IQANK1: variants seen among roughly 807,000 people sequenced by gnomAD.
IQANK1 encodes the protein IQ motif and ankyrin repeat domain-containing protein 1.
Under a neutral mutation model 22.6 loss-of-function variants are expected in IQANK1, and 30 were observed. The ratio of observed to expected loss-of-function variants is 1.33; its 90% confidence interval spans 0.99 to 1.80. IQANK1 has a LOEUF of 1.80. Among genes scored for constraint, IQANK1 ranks in the 40% most tolerant of loss-of-function variants. The probability of loss-of-function intolerance (pLI) is 0.00; values close to 1 mark genes in which losing one functional copy is unlikely to be tolerated. For missense variants in IQANK1, 275 were observed against 235.2 expected, an observed-to-expected ratio of 1.17 and a Z score of -1.11; for synonymous variants, 122 against 99.6, an observed-to-expected ratio of 1.23 and a Z score of -1.34.
intron 9 of IQANK1, 78 bp downstream of exon 9, chr8:143,789,321 C>A: frequency 2.1e-6 from 1 of 473,160 alleles, no homozygotes; most frequent in Non-Finnish European, 3.4e-6. Context: ...GAGGGAGGGC[C>A]AGGAAGCTGG....
chr8:143,782,885 T>C (rs764987143), intron 7 of IQANK1, among the ~76,000 whole-genome samples: 4 of 152,222 alleles, frequency 2.6e-5, no homozygotes, highest in Admixed American at 1.3e-4. Context: ...CTAAATAATA[T>C]AGCTTTGTTT....
intron 3 of IQANK1, chr8:143,743,846 CT>C (rs782019893): frequency 6.3e-3 from 2,298 of 367,462 alleles, no homozygotes; most frequent in East Asian, 9.2e-3. Flanking sequence ...GATTCTTTTT[CT>C]TTTTTTTTTG....
chr8:143,740,400 A>G (rs1248205068), intron 3 of IQANK1, among the ~76,000 whole-genome samples: 1 of 151,986 alleles, frequency 6.6e-6, no homozygotes, highest in African/African-American at 2.4e-5. Context: ...GCTGTTCCCG[A>G]CCGGTGTCGG....
chr8:143,785,772 G>T (rs1277242309), intron 7 of IQANK1, among the ~76,000 whole-genome samples: 1 of 150,896 alleles, frequency 6.6e-6, no homozygotes, highest in Non-Finnish European at 1.5e-5. Context: ...TGTCACCCAG[G>T]CTGGAATGCA....
intron 7 of IQANK1, among the ~76,000 whole-genome samples, chr8:143,788,382 G>C (rs1554631692): frequency 6.6e-6 from 1 of 152,232 alleles, no homozygotes; most frequent in African/African-American, 2.4e-5. Context: ...GCTGGGCTTT[G>C]AGCCCGGCTC....
At chr8:143,773,320 A>AAC (rs1563777431) in intron 7 of IQANK1, among the ~76,000 whole-genome samples, 26 of 142,164 alleles carry the variant, frequency 1.8e-4, no homozygotes, top group African/African-American at 7.6e-4. Flanking sequence ...AAAAAAACAA[A>AAC]AAAAACACAA....
chr8:143,734,417 C>T lies in IQANK1; in HGVS notation c.-5+198C>T, dbSNP rs552190050. 1.1e-4 allele frequency among the ~76,000 whole-genome samples: 17 copies of T among 151,232 alleles called. No individual in the cohort carries two copies. In the South Asian group the frequency reaches 3.2e-3, roughly 28 times the overall value. On this transcript the variant is annotated intron_variant, in intron 1 of 13. Coordinates refer to ENST00000527139, the MANE Select transcript of IQANK1 (RefSeq NM_001381874.1). ...TGATGCCCACAAGTACCTGGGGTCCCCCATCTTTCTCCCTCACCCCCTCAC... is the reference window on the plus strand; with the variant it reads ...TGATGCCCACAAGTACCTGGGGTCCTCCATCTTTCTCCCTCACCCCCTCAC...
At chr8:143,750,240 C>T (rs570559193) in intron 3 of IQANK1, among the ~76,000 whole-genome samples, 9 of 152,140 alleles carry the variant, frequency 5.9e-5, no homozygotes, top group South Asian at 2.1e-4. Context: ...TCAGGTGATC[C>T]GCCCGCCTCA....
intron 3 of IQANK1, among the ~76,000 whole-genome samples, chr8:143,752,503 G>A (rs1174898377): frequency 6.6e-6 from 1 of 152,118 alleles, no homozygotes; most frequent in African/African-American, 2.4e-5. Flanking sequence ...TTATATGCAT[G>A]TCTTTCATCA....
At chr8:143,768,402 T>G (rs1554629416) in intron 3 of IQANK1, among the ~76,000 whole-genome samples, 1 of 151,946 alleles carries the variant, frequency 6.6e-6, no homozygotes, top group Admixed American at 6.6e-5. Context: ...CCTTTGTAAA[T>G]GTACTATGTT....
intron 3 of IQANK1, among the ~76,000 whole-genome samples, chr8:143,748,784 T>C (rs1218500184): frequency 3.3e-4 from 17 of 51,326 alleles, no homozygotes; most frequent in Non-Finnish European, 5.2e-4. Flanking sequence ...AAATATATCA[T>C]ATATAAATAT....
chr8:143,749,207 TCA>T (rs1255443976), intron 3 of IQANK1, among the ~76,000 whole-genome samples: 2 of 121,618 alleles, frequency 1.6e-5, no homozygotes, highest in Non-Finnish European at 3.1e-5. Flanking sequence ...TATAAATATA[TCA>T]TATATATCAT....
In IQANK1 at chr8:143,770,248, G is replaced by T. The variant is rs184266518; in HGVS notation, c.176-1240G>T. 3.3e-5 allele frequency among the ~76,000 whole-genome samples: 5 copies of T among 152,198 alleles called. No homozygotes were observed. In the East Asian group the frequency reaches 7.7e-4, roughly 24 times the overall value. ...TGTTGTTCATGCCCTTTGTTTTCTGGGATTTTTCCCCCTTTTGTCTTAAGA... is the reference window on the plus strand; with the variant it reads ...TGTTGTTCATGCCCTTTGTTTTCTGTGATTTTTCCCCCTTTTGTCTTAAGA... On this transcript the variant is annotated intron_variant, in intron 3 of 13. Transcript: ENST00000527139.
intron 2 of IQANK1, among the ~76,000 whole-genome samples, chr8:143,738,504 G>A (rs1410316821): frequency 6.6e-6 from 1 of 152,204 alleles, no homozygotes; most frequent in African/African-American, 2.4e-5. Context: ...ACTCCACGGC[G>A]CGGTGGCTCG....
At position 143,752,235 on chromosome 8, in the gene IQANK1, G is replaced by C. The variant is rs536972522; in HGVS notation, c.175+12287G>C. On this transcript the variant is annotated intron_variant, in intron 3 of 13. Transcript: ENST00000527139. ...CCCACCTTGGCCCCCCAAAGTGCTG[G>C]GATTACAGGCGTGAGCCACCACACC... is the stretch of plus-strand genomic sequence containing the variant. Among the ~76,000 whole-genome samples the C allele has an allele frequency of 2.6e-5, 4 of 152,276 alleles. 1 individual carries two copies. Among genetic ancestry groups the C allele is most frequent in the African/African-American group, 7.2e-5 (3 of 41,542 alleles).
At position 143,772,164 on chromosome 8, in the gene IQANK1, C is replaced by G. The variant is rs189642812; in HGVS notation, c.584C>G (p.Pro195Arg). 4 of 394,314 alleles carry G rather than the reference C, an allele frequency of 1.0e-5. No individual in the cohort carries two copies. 24.4% of individuals were successfully genotyped at this position (394,314 alleles called of 1,614,324 possible). The change falls in exon 6 of 14, where the codon CCG becomes CGG. Residue 195 changes from proline to arginine, a missense_variant. Transcript: ENST00000527139. ...TGCGAGGACAGCTACGGGAACACGC[C>G]GCTGTCGGAGGCGGCCGCAGGCGGG... ...AECEDSYGNT[P>R]LSEAAAGGQP...
chr8:143,789,484 C>T lies in IQANK1; in HGVS notation c.1042C>T (p.Gln348Ter). ...TAGCCGGAGGATCTCAGAGCACGAC[C>T]AGTGTGAGTGGAGGTGCATGGACAA... is the stretch of plus-strand genomic sequence containing the variant. ...ELSRRISEHDQCEWRCMDKTK... is the reference protein window; with the variant it reads ...ELSRRISEHD Residue 348 changes from glutamine to a stop codon, truncating the protein, a stop_gained, in exon 10 of 14, where the codon CAG becomes TAG. Transcript: ENST00000527139. LOFTEE classifies it high-confidence loss of function. 8.1e-7 allele frequency: 1 copy of T among 1,232,244 alleles called. No individual in the cohort carries two copies. Among genetic ancestry groups the T allele is most frequent in the Non-Finnish European group, 1.0e-6 (1 of 988,192 alleles). The allele number at this position is 1,232,244 out of a possible 1,614,324, so 76.3% of individuals were successfully genotyped here.
At chr8:143,737,671 G>C (rs573925765) in intron 2 of IQANK1, among the ~76,000 whole-genome samples, 2 of 152,164 alleles carry the variant, frequency 1.3e-5, no homozygotes, top group African/African-American at 4.8e-5. Context: ...GCAGTGCTTC[G>C]AAGCCCTCAC....
chr8:143,764,450 A>C (rs1207566230), intron 3 of IQANK1, among the ~76,000 whole-genome samples: 1 of 76,518 alleles, frequency 1.3e-5, no homozygotes, highest in Non-Finnish European at 3.2e-5. Context: ...CTCCGTCGCT[A>C]CAAAAAAAAA....
Sources: gnomAD v4.1 joint callset for allele counts (sites outside exome capture counted in the v4.1 genomes callset) on GRCh38, gnomAD v4.1.1 for gene constraint, MANE v1.5 for transcripts, NCBI Gene and HGNC (gene_info 2026-07-23, HGNC 2026-07-21) for gene names.